Variants in TPD52 observed in about 807,000 individuals in gnomAD.
The protein encoded by TPD52 is tumor protein D52.
In TPD52, 17 loss-of-function variants were observed where a neutral mutation model predicts 31.3. The observed-to-expected ratio is 0.54, with a 90% CI of 0.37 to 0.82. The LOEUF (loss-of-function observed/expected upper bound fraction) is 0.82. Among genes scored for constraint, TPD52 ranks in the 40% least tolerant of loss-of-function variants. The probability of loss-of-function intolerance (pLI) is 0.00; values close to 1 mark genes in which losing one functional copy is unlikely to be tolerated. For synonymous variants in TPD52, 83 were observed against 89.6 expected (o/e 0.93, Z 0.42); for missense variants, 212 against 240.1 (o/e 0.88, Z 0.77).
intron 1 of TPD52, among the ~76,000 whole-genome samples, chr8:80,156,905 G>A (rs1811011356): frequency 6.6e-6 from 1 of 151,968 alleles, no homozygotes; most frequent in African/African-American, 2.4e-5. Context: ...GGGGTGGGGT[G>A]GAGAAGAATG....
At chr8:80,050,258 C>T in intron 5 of TPD52, 187 bp downstream of exon 5, 1 of 436,240 alleles carries the variant, frequency 2.3e-6, no homozygotes. Flanking sequence ...TTTAATTTAT[C>T]AACTACCCAT....
At chr8:80,068,407 G>A (rs886399228) in intron 1 of TPD52, among the ~76,000 whole-genome samples, 1 of 152,176 alleles carries the variant, frequency 6.6e-6, no homozygotes, top group South Asian at 2.1e-4. Context: ...TTTCTCCATA[G>A]AAACGTTTTA....
At chr8:80,156,786 G>A (rs1811001821) in intron 1 of TPD52, among the ~76,000 whole-genome samples, 1 of 152,100 alleles carries the variant, frequency 6.6e-6, no homozygotes, top group African/African-American at 2.4e-5. Context: ...AGAGGGAAGA[G>A]TAGATACTGG....
At chr8:80,119,759 CA>C (rs1460008393) in intron 1 of TPD52, 2 of 318,414 alleles carry the variant, frequency 6.3e-6, no homozygotes, top group African/African-American at 4.5e-5. Flanking sequence ...ACATTTGAAA[CA>C]AGTCCAGAAA....
chr8:80,162,537 T>C (rs1245682508), intron 1 of TPD52, among the ~76,000 whole-genome samples: 1 of 151,366 alleles, frequency 6.6e-6, no homozygotes, highest in Non-Finnish European at 1.5e-5. Context: ...GCAGAAGGAC[T>C]CCTTGAGCCC....
chr8:80,135,342 A>T (rs1809316487), intron 1 of TPD52, among the ~76,000 whole-genome samples: 1 of 152,102 alleles, frequency 6.6e-6, no homozygotes, highest in African/African-American at 2.4e-5. Flanking sequence ...TTCCCAAGAC[A>T]ACTGGCTCAC....
chr8:80,039,848 C>A (rs1191923644), intron 7 of TPD52, among the ~76,000 whole-genome samples: 1 of 152,150 alleles, frequency 6.6e-6, no homozygotes, highest in Non-Finnish European at 1.5e-5. Flanking sequence ...TTCCCTTCCA[C>A]CAAGCCAGGT....
rs535938808 is a variant in TPD52, at chr8:80,054,399, T to C, written c.136-969A>G. On this transcript the variant is annotated intron_variant, in intron 2 of 7. Transcript: ENST00000518937. ...AACAGGGAAAATGGTAGACTCTCTA[T>C]TTCAGAAACAGGGAAAAGGGTGGAC... Among the ~76,000 whole-genome samples, 46 of 152,234 alleles carry C rather than the reference T, an allele frequency of 3.0e-4. No individual in the cohort carries two copies. The East Asian group carries it at 8.9e-3, about 29-fold the overall frequency.
At chr8:80,073,504 C>A (rs565420055) in intron 1 of TPD52, among the ~76,000 whole-genome samples, 43 of 152,330 alleles carry the variant, frequency 2.8e-4, no homozygotes, top group Admixed American at 1.3e-3. Context: ...ACGGTCCAGT[C>A]TATTGTATAG....
intron 3 of TPD52, chr8:80,052,556 A>T (rs1811475535): frequency 1.7e-6 from 2 of 1,183,422 alleles, no homozygotes; most frequent in African/African-American, 3.2e-5. Flanking sequence ...TGTTAAATGC[A>T]GTTGGCCTCA....
chr8:80,034,701 C>G (rs1215428635), downstream of TPD52: 1 of 152,102 alleles, frequency 6.6e-6, no homozygotes, highest in Non-Finnish European at 1.5e-5. Flanking sequence ...CAAGGAGAAA[C>G]TTTAAAGCAT....
intron 1 of TPD52, among the ~76,000 whole-genome samples, chr8:80,124,164 CTCTT>C (rs555813955): frequency 0.023 from 2,437 of 108,110 alleles, 61 homozygotes; most frequent in African/African-American, 0.1. Flanking sequence ...TTCTCTCTCT[CTCTT>C]TTTGTTTTTT....
At chr8:80,094,430 T>TTATATATATATATATA (rs61266725) in intron 1 of TPD52, among the ~76,000 whole-genome samples, 2 of 53,692 alleles carry the variant, frequency 3.7e-5, no homozygotes, top group Non-Finnish European at 8.5e-5. Flanking sequence ...AAAGAAAATT[T>TTATATATATATATATA]TATATATATA....
intron 1 of TPD52, among the ~76,000 whole-genome samples, chr8:80,112,675 C>T (rs1040963494): frequency 6.6e-5 from 10 of 152,178 alleles, no homozygotes; most frequent in African/African-American, 2.2e-4. Context: ...AATTTCACTT[C>T]CAACACTGAA....
intron 1 of TPD52, among the ~76,000 whole-genome samples, chr8:80,153,870 A>G (rs1016668856): frequency 3.9e-5 from 6 of 152,242 alleles, no homozygotes; most frequent in Non-Finnish European, 8.8e-5. Context: ...AGGCCCTAGG[A>G]AACACTCCTT....
intron 7 of TPD52, chr8:80,042,262 T>A: frequency 1.0e-6 from 1 of 985,460 alleles, no homozygotes; most frequent in Non-Finnish European, 1.2e-6. Flanking sequence ...TTGTTTTCTT[T>A]CTTGTGCTTC....
chr8:80,039,842 C>T (rs1810207309), intron 7 of TPD52, among the ~76,000 whole-genome samples: 1 of 152,166 alleles, frequency 6.6e-6, no homozygotes, highest in Admixed American at 6.5e-5. Flanking sequence ...CTGACCTTCC[C>T]TTCCACCAAG....
intron 1 of TPD52, among the ~76,000 whole-genome samples, chr8:80,101,402 G>A (rs960362157): frequency 3.5e-5 from 5 of 143,650 alleles, no homozygotes; most frequent in Non-Finnish European, 6.0e-5. Flanking sequence ...GAGCTGAAAC[G>A]GCAACACTAC....
chr8:80,131,694 T>C (rs1388672152), intron 1 of TPD52, among the ~76,000 whole-genome samples: 2 of 152,172 alleles, frequency 1.3e-5, no homozygotes, highest in Non-Finnish European at 2.9e-5. Context: ...CCAGATACCC[T>C]ACAATAATAC....
Sources: allele counts gnomAD v4.1 joint callset (sites outside exome capture counted in the v4.1 genomes callset), GRCh38; gene constraint gnomAD v4.1.1; transcripts MANE v1.5; gene names NCBI Gene and HGNC (gene_info 2026-07-23, HGNC 2026-07-21).